The following CFAP77 variants were observed in gnomAD, a reference collection of about 807,000 sequenced individuals.
The protein encoded by CFAP77 is cilia and flagella associated protein 77, also known as cilia- and flagella-associated protein 77.
In CFAP77, 25 loss-of-function variants were observed where a neutral mutation model predicts 31.1. The observed-to-expected ratio is 0.80, with a 90% CI of 0.59 to 1.12. The LOEUF (loss-of-function observed/expected upper bound fraction) is 1.12, where lower values mean the gene tolerates loss of function less well. CFAP77 is among the 50% of genes most tolerant of loss of function. The pLI is 0.00. For missense variants in CFAP77, 377 were observed against 397.3 expected (o/e 0.95, Z 0.44); for synonymous variants, 151 against 159.9 (o/e 0.94, Z 0.42).
At chr9:132,532,541 T>C (rs370171825) in intron 3 of CFAP77, among the ~76,000 whole-genome samples, 1 of 152,152 alleles carries the variant, frequency 6.6e-6, no homozygotes, top group Non-Finnish European at 1.5e-5. Flanking sequence ...AAATTTTAAG[T>C]GTTGACAATG....
At position 132,572,738 on chromosome 9, in the gene CFAP77, C is replaced by CTCTCCTCCTCCT; in HGVS notation, c.*238_*249dup. On this transcript the variant is annotated 3_prime_UTR_variant, in exon 6 of 6. Coordinates refer to ENST00000393216, the MANE Select transcript of CFAP77 (RefSeq NM_001282957.2). ...GTGACCCTCTACCTGGAGCCTCCTCCTCTCCTCCTCCTTCTCCTCCTAGGG... is the reference window on the plus strand; with the variant it reads ...GTGACCCTCTACCTGGAGCCTCCTCCTCTCCTCCTCCTTCTCCTCCTCCTTCTCCTCCTAGGG... The CTCTCCTCCTCCT allele has an allele frequency of 5.6e-6, 3 of 540,064 alleles. No individual in the cohort carries two copies. In the East Asian group the frequency reaches 9.8e-5, roughly 18 times the overall value. The allele number at this position is 540,064 out of a possible 1,614,324, so 33.5% of individuals were successfully genotyped here. A position where few individuals can be genotyped will look rare whatever the true frequency, so the allele number is the denominator to read the frequency against.
chr9:132,450,308 A>G (rs1277416359), intron 1 of CFAP77, among the ~76,000 whole-genome samples: 4 of 149,792 alleles, frequency 2.7e-5, no homozygotes, highest in Non-Finnish European at 5.9e-5. Flanking sequence ...AGAAGCAGGG[A>G]AACAGGGAGA....
At position 132,554,986 on chromosome 9, in the gene CFAP77, ATCCTCAGCCATCTG is replaced by A. The variant is rs1852878211; in HGVS notation, c.732+11943_732+11956del. Among the ~76,000 whole-genome samples the A allele has an allele frequency of 4.2e-5, 6 of 143,008 alleles. No individual in the cohort carries two copies. The Middle Eastern group carries it at 0.011, about 267-fold the overall frequency. 93.8% of individuals were successfully genotyped at this position (143,008 alleles called of 152,430 possible). A position where few individuals can be genotyped will look rare whatever the true frequency, so the allele number is the denominator to read the frequency against. On this transcript the variant is annotated intron_variant, in intron 5 of 5. Coordinates refer to ENST00000393216, the MANE Select transcript of CFAP77 (RefSeq NM_001282957.2). The surrounding 1 kb of genome is among the most constrained non-coding windows in gnomAD (Gnocchi z 4.1). ...CATCCATCCATCCATCCATCCATCC[ATCCTCAGCCATCTG>A]TCCATCTGTTTGTTCATCCAACCAT... is the stretch of plus-strand genomic sequence containing the variant.
chr9:132,446,838 C>T (rs1055978208), intron 1 of CFAP77, among the ~76,000 whole-genome samples: 1 of 151,760 alleles, frequency 6.6e-6, no homozygotes, highest in Non-Finnish European at 1.5e-5. Flanking sequence ...AACATCATCT[C>T]ATTTAAGTTA....
intron 3 of CFAP77, among the ~76,000 whole-genome samples, chr9:132,506,311 A>G (rs1851929886): frequency 6.6e-6 from 1 of 152,258 alleles, no homozygotes; most frequent in South Asian, 2.1e-4. Context: ...GAGGCCAGAT[A>G]TGTAACTATT....
At chr9:132,415,853 G>A (rs1850086540) in intron 1 of CFAP77, among the ~76,000 whole-genome samples, 2 of 152,190 alleles carry the variant, frequency 1.3e-5, no homozygotes, top group Admixed American at 1.3e-4. Context: ...TGGAGGTCTC[G>A]TGAAATGTCT....
At chr9:132,436,211 G>C (rs1850501130) in intron 1 of CFAP77, among the ~76,000 whole-genome samples, 1 of 152,204 alleles carries the variant, frequency 6.6e-6, no homozygotes, top group Admixed American at 6.5e-5. Context: ...CCAAGGGAGG[G>C]TCTTTCCTGG....
chr9:132,432,865 C>T (rs1223704108), intron 1 of CFAP77, among the ~76,000 whole-genome samples: 3 of 150,224 alleles, frequency 2.0e-5, no homozygotes, highest in Admixed American at 6.7e-5. Flanking sequence ...AGGCACCCGC[C>T]ACCACGCCCA....
At chr9:132,462,289 G>A (rs1002188863) in intron 1 of CFAP77, among the ~76,000 whole-genome samples, 5 of 151,868 alleles carry the variant, frequency 3.3e-5, no homozygotes, top group South Asian at 2.1e-4. Context: ...TTCTAAGTAC[G>A]TGCAAGTGGT....
In CFAP77 at chr9:132,539,240, T is replaced by C. The variant is rs1349358578; in HGVS notation, c.630+1534T>C. On this transcript the variant is annotated intron_variant, in intron 4 of 5. Transcript: ENST00000393216. The surrounding 1 kb of genome is among the most constrained non-coding windows in gnomAD (Gnocchi z 4.3). ...TCAGAATCACTCTATGTTCACACAG[T>C]ACTTTATAGACTTCATCAAGGCGTG... Among the ~76,000 whole-genome samples, 6 of 152,154 alleles carry C rather than the reference T, an allele frequency of 3.9e-5. No homozygotes were observed. The highest frequency in any genetic ancestry group is 7.4e-5 in the Non-Finnish European group (5 of 68,020).
At position 132,539,229 on chromosome 9, in the gene CFAP77, T is replaced by C. The variant is rs1033803333; in HGVS notation, c.630+1523T>C. Reference sequence around the variant, plus strand: ...CGATGGTAAAATCAGAATCACTCTATGTTCACACAGTACTTTATAGACTTC... The same window carrying C: ...CGATGGTAAAATCAGAATCACTCTACGTTCACACAGTACTTTATAGACTTC... On this transcript the variant is annotated intron_variant, in intron 4 of 5. Coordinates refer to ENST00000393216, the MANE Select transcript of CFAP77 (RefSeq NM_001282957.2). This position sits in a 1 kb window ranked among gnomAD's most constrained non-coding sequence, Gnocchi z 4.3. Among the ~76,000 whole-genome samples, 5 of 152,250 alleles carry C rather than the reference T, an allele frequency of 3.3e-5. No homozygotes were observed. Among genetic ancestry groups the C allele is most frequent in the African/African-American group, 1.2e-4 (5 of 41,466 alleles).
chr9:132,486,036 A>ATTTTATTT (rs1564223061), intron 1 of CFAP77, among the ~76,000 whole-genome samples: 3 of 27,622 alleles, frequency 1.1e-4, no homozygotes, highest in Non-Finnish European at 1.6e-4. Context: ...ATATATATAT[A>ATTTTATTT]TATATGTATG....
intron 3 of CFAP77, among the ~76,000 whole-genome samples, chr9:132,531,716 C>T (rs1852456900): frequency 6.6e-6 from 1 of 152,090 alleles, no homozygotes; most frequent in South Asian, 2.1e-4. Flanking sequence ...AGCTTCTCCA[C>T]CTTTGTATCC....
At chr9:132,439,629 G>A (rs1356916890) in intron 1 of CFAP77, among the ~76,000 whole-genome samples, 3 of 151,912 alleles carry the variant, frequency 2.0e-5, no homozygotes, top group Non-Finnish European at 4.4e-5. Context: ...GGCAGATCAC[G>A]AGGTCAGGAG....
At chr9:132,462,127 G>A (rs1851061674) in intron 1 of CFAP77, among the ~76,000 whole-genome samples, 1 of 152,140 alleles carries the variant, frequency 6.6e-6, no homozygotes, top group African/African-American at 2.4e-5. Flanking sequence ...CCCAGTGTGA[G>A]CTGGCTGCTT....
At chr9:132,516,217 T>C (rs531315032) in intron 3 of CFAP77, among the ~76,000 whole-genome samples, 1 of 152,280 alleles carries the variant, frequency 6.6e-6, no homozygotes, top group South Asian at 2.1e-4. Context: ...AAAAAATATA[T>C]ATTGGTTACT....
intron 5 of CFAP77, among the ~76,000 whole-genome samples, chr9:132,547,455 A>G (rs560562665): frequency 2.0e-5 from 3 of 152,296 alleles, no homozygotes; most frequent in African/African-American, 7.2e-5. Context: ...TGTGGAGATC[A>G]TTCATTCATT....
intron 1 of CFAP77, among the ~76,000 whole-genome samples, chr9:132,442,155 T>C (rs1487128766): frequency 6.6e-6 from 1 of 152,150 alleles, no homozygotes; most frequent in Non-Finnish European, 1.5e-5. Context: ...AGCAGTGATA[T>C]GGAACAAGGA....
At chr9:132,525,854 A>G (rs760534887) in intron 3 of CFAP77, among the ~76,000 whole-genome samples, 2 of 152,192 alleles carry the variant, frequency 1.3e-5, no homozygotes, top group Admixed American at 6.5e-5. Flanking sequence ...TTTGCTCTGC[A>G]TAAGGCCTAG....
Sources: gnomAD v4.1 joint callset for allele counts (sites outside exome capture counted in the v4.1 genomes callset) on GRCh38, gnomAD v4.1.1 for gene constraint, Gnocchi (gnomAD v3.1) non-coding constraint, MANE v1.5 for transcripts, NCBI Gene and HGNC (gene_info 2026-07-23, HGNC 2026-07-21) for gene names.